Variants in LMBR1 observed in about 807,000 individuals in gnomAD.
The protein encoded by LMBR1 is limb region 1 protein homolog.
A neutral mutation model predicts 73.9 loss-of-function variants in LMBR1; 52 were observed. That is an observed-to-expected ratio of 0.70 (90% CI 0.56 to 0.89). The LOEUF (loss-of-function observed/expected upper bound fraction) is 0.89. Ranked by LOEUF, LMBR1 falls within the 40% of genes least tolerant of loss-of-function variation. The pLI is 0.00. For synonymous variants in LMBR1, 215 were observed against 209.4 expected (o/e 1.03, Z -0.23); for missense variants, 539 against 579.8 (o/e 0.93, Z 0.72).
chr7:156,746,894 T>G lies in LMBR1; in HGVS notation c.757+9499A>C, dbSNP rs187065154. 4.0e-3 allele frequency among the ~76,000 whole-genome samples: 611 copies of G among 152,252 alleles called. 3 individuals carry two copies. The highest frequency in any genetic ancestry group is 0.014 in the African/African-American group (563 of 41,552). On this transcript the variant is annotated intron_variant, in intron 9 of 16. Coordinates refer to ENST00000353442, the MANE Select transcript of LMBR1 (RefSeq NM_022458.4). ...GGAACTGCATTATCATTACTTTATTTCCAAATGAATCTAAAATGTCCAGTG... is the reference window on the plus strand; with the variant it reads ...GGAACTGCATTATCATTACTTTATTGCCAAATGAATCTAAAATGTCCAGTG...
chr7:156,834,448 T>C lies in LMBR1; in HGVS notation c.140-656A>G, dbSNP rs114177837. On this transcript the variant is annotated intron_variant, in intron 2 of 16. Transcript: ENST00000353442. ...AGACTCCATCTTTACAAAAAAATTTTAAAAATTAACTAGGCATGGTGGCAC... is the reference window on the plus strand; with the variant it reads ...AGACTCCATCTTTACAAAAAAATTTCAAAAATTAACTAGGCATGGTGGCAC... The C allele has an allele frequency of 2.5e-3, 499 of 201,002 alleles. 1 individual carries two copies. Among genetic ancestry groups the C allele is most frequent in the African/African-American group, 0.012 (483 of 41,804 alleles). The allele number at this position is 201,002 out of a possible 1,614,324, so 12.5% of individuals were successfully genotyped here.
chr7:156,704,489 C>T (rs931299957), intron 15 of LMBR1, among the ~76,000 whole-genome samples: 1 of 151,914 alleles, frequency 6.6e-6, no homozygotes, highest in African/African-American at 2.4e-5. Flanking sequence ...TAAGCAGCAA[C>T]TATTGCTCCG....
At chr7:156,698,024 G>A (rs1158708452) in intron 15 of LMBR1, among the ~76,000 whole-genome samples, 1 of 152,324 alleles carries the variant, frequency 6.6e-6, no homozygotes, top group East Asian at 1.9e-4. Flanking sequence ...AGGGATACAG[G>A]CATTGGGTAA....
intron 5 of LMBR1, among the ~76,000 whole-genome samples, chr7:156,773,294 T>A (rs554771509): frequency 6.6e-6 from 1 of 152,230 alleles, no homozygotes; most frequent in South Asian, 2.1e-4. Flanking sequence ...GATTCAATGC[T>A]ATTCCTATCA....
chr7:156,778,854 A>C (rs1826610772), intron 5 of LMBR1, among the ~76,000 whole-genome samples: 1 of 152,254 alleles, frequency 6.6e-6, no homozygotes, highest in South Asian at 2.1e-4. Context: ...GCAGCACAGC[A>C]TATAAGCAAA....
chr7:156,767,793 ATAAC>A (rs1384500720), intron 5 of LMBR1, among the ~76,000 whole-genome samples: 3 of 152,110 alleles, frequency 2.0e-5, no homozygotes, highest in Non-Finnish European at 2.9e-5. Flanking sequence ...TATATCTACT[ATAAC>A]TATATATGCA....
chr7:156,781,833 A>G (rs568706811), intron 5 of LMBR1, among the ~76,000 whole-genome samples: 48 of 152,324 alleles, frequency 3.2e-4, no homozygotes, highest in African/African-American at 1.1e-3. Flanking sequence ...TGAAATATGC[A>G]TAACATAAAG....
Position 156,727,995 on chromosome 7 carries a change from G to C in LMBR1, c.928C>G (p.Leu310Val), listed in dbSNP as rs200717387. Residue 310 changes from leucine to valine, a missense_variant, in exon 12 of 17, where the codon CTC becomes GTC. Coordinates refer to ENST00000353442, the MANE Select transcript of LMBR1 (RefSeq NM_022458.4). ...CAAAGAATATTACAAGCCACCAAGA[G>C]GACCGAGATGGACTACAAGACAAAC... Reference protein sequence around the residue: ...LLLIETSISVLLVACNILCLL... With the variant: ...LLLIETSISVVLVACNILCLL... 109 of 1,612,284 alleles carry C rather than the reference G, an allele frequency of 6.8e-5. No homozygotes were observed. The highest frequency in any genetic ancestry group is 8.1e-5 in the Non-Finnish European group (95 of 1,179,056).
intron 4 of LMBR1, among the ~76,000 whole-genome samples, chr7:156,804,908 C>G (rs566994708): frequency 5.3e-5 from 8 of 152,136 alleles, no homozygotes; most frequent in Admixed American, 4.6e-4. Flanking sequence ...AAATTATGGC[C>G]TAGTTCAATG....
At chr7:156,747,565 T>C (rs1306237676) in intron 9 of LMBR1, among the ~76,000 whole-genome samples, 2 of 152,200 alleles carry the variant, frequency 1.3e-5, no homozygotes, top group African/African-American at 4.8e-5. Flanking sequence ...AAATAATTGA[T>C]GAAATACAAT....
At chr7:156,818,713 C>A (rs1231394238) in intron 4 of LMBR1, among the ~76,000 whole-genome samples, 1 of 152,128 alleles carries the variant, frequency 6.6e-6, no homozygotes, top group Non-Finnish European at 1.5e-5. Context: ...AAAGGAAAAC[C>A]CACAAAGCAG....
rs1806858759 is a variant in LMBR1 at position 156,690,115 on chromosome 7, G to C, written c.1226-1924C>G. On this transcript the variant is annotated intron_variant, in intron 15 of 16. Coordinates refer to ENST00000353442, the MANE Select transcript of LMBR1 (RefSeq NM_022458.4). Reference sequence around the variant, plus strand: ...GATCCCAGAATCAAACCCTTGCCCAGATGCTCTATACCAGTCTTACCTGCT... The same window carrying C: ...GATCCCAGAATCAAACCCTTGCCCACATGCTCTATACCAGTCTTACCTGCT... Among the ~76,000 whole-genome samples the C allele has an allele frequency of 2.0e-5, 3 of 152,276 alleles. No homozygotes were observed. In the South Asian group the frequency reaches 6.2e-4, roughly 32 times the overall value.
intron 15 of LMBR1, among the ~76,000 whole-genome samples, chr7:156,708,649 C>A (rs1387172264): frequency 6.6e-6 from 1 of 152,138 alleles, no homozygotes; most frequent in Non-Finnish European, 1.5e-5. Flanking sequence ...AGCAGAATTT[C>A]TTGAGCAAAT....
In LMBR1 at chr7:156,670,061, T is replaced by C. The variant is rs1802139388; in HGVS notation, n.867-774A>G. ...TTTTTATTTGCTGTTTATTTAATGT[T>C]ATTCTAAGAAAAAATTAAATTATAA... On this transcript the variant is annotated intron_variant and non_coding_transcript_variant, in intron 4 of 4. Coordinates refer to the LMBR1 transcript ENST00000430825. The surrounding 1 kb of genome is among the most constrained non-coding windows in gnomAD (Gnocchi z 4.3). Among the ~76,000 whole-genome samples the C allele has an allele frequency of 6.6e-6, 1 of 152,254 alleles. No individual in the cohort carries two copies. The highest frequency in any genetic ancestry group is 2.4e-5 in the African/African-American group (1 of 41,464).
chr7:156,886,875 GT>G (rs1801991952), intron 1 of LMBR1, among the ~76,000 whole-genome samples: 1 of 152,126 alleles, frequency 6.6e-6, no homozygotes, highest in Non-Finnish European at 1.5e-5. Flanking sequence ...ATTAATGCTG[GT>G]CAGCTGTGTT....
intron 10 of LMBR1, among the ~76,000 whole-genome samples, chr7:156,733,198 A>C (rs1585437058): frequency 6.6e-6 from 1 of 152,154 alleles, no homozygotes; most frequent in Admixed American, 6.6e-5. Context: ...GGCACCCAAC[A>C]AGGGTAAAAT....
chr7:156,673,758 T>TA (rs1305434098), downstream of LMBR1, among the ~76,000 whole-genome samples: 1 of 152,174 alleles, frequency 6.6e-6, no homozygotes, highest in Non-Finnish European at 1.5e-5. Context: ...AGGCAGCTCA[T>TA]AGTCTCCACA....
intron 1 of LMBR1, among the ~76,000 whole-genome samples, chr7:156,886,463 T>G (rs979416954): frequency 9.2e-5 from 14 of 152,204 alleles, no homozygotes; most frequent in African/African-American, 3.1e-4. Flanking sequence ...TGAGGCCCTG[T>G]AGTCAGATGG....
chr7:156,746,330 C>A (rs912191047), intron 9 of LMBR1, among the ~76,000 whole-genome samples: 1 of 152,038 alleles, frequency 6.6e-6, no homozygotes, highest in Non-Finnish European at 1.5e-5. Context: ...AAAATAAGCT[C>A]ATGAGTATTT....
Sources: gnomAD v4.1 joint callset for allele counts (sites outside exome capture counted in the v4.1 genomes callset) on GRCh38, gnomAD v4.1.1 for gene constraint, Gnocchi (gnomAD v3.1) non-coding constraint, MANE v1.5 for transcripts, NCBI Gene and HGNC (gene_info 2026-07-23, HGNC 2026-07-21) for gene names.